SCML4: variants seen among roughly 807,000 people sequenced by gnomAD.
SCML4 encodes Scm polycomb group protein like 4.
SCML4 carries 34 observed loss-of-function variants against 41.1 expected under a neutral mutation model. That is an observed-to-expected ratio of 0.83 (90% CI 0.63 to 1.10). The LOEUF (loss-of-function observed/expected upper bound fraction) is 1.10. Among genes scored for constraint, SCML4 ranks in the 50% least tolerant of loss-of-function variants. The pLI, the probability that SCML4 is intolerant of heterozygous loss-of-function variation, is 0.00. For missense variants in SCML4, 522 were observed against 534.1 expected (o/e 0.98, Z 0.22); for synonymous variants, 214 against 220.9 (o/e 0.97, Z 0.28).
chr6:107,768,129 C>A (rs1264057351), intron 2 of SCML4, among the ~76,000 whole-genome samples: 1 of 151,700 alleles, frequency 6.6e-6, no homozygotes, highest in African/African-American at 2.4e-5. Context: ...AAAAAGTAGC[C>A]AGGCATGGTG....
At chr6:107,743,299 C>T (rs11153079) in intron 5 of SCML4, among the ~76,000 whole-genome samples, 29,976 of 152,084 alleles carry the variant, frequency 0.2, 3,000 homozygotes, top group East Asian at 0.24. Flanking sequence ...AAAGCCAATA[C>T]TTGTTCTGAA....
At chr6:107,795,749 A>G (rs1782661410) in intron 1 of SCML4, among the ~76,000 whole-genome samples, 1 of 152,210 alleles carries the variant, frequency 6.6e-6, no homozygotes, top group Admixed American at 6.5e-5. Flanking sequence ...GGCTGGTCTC[A>G]AACTGCTCAC....
chr6:107,829,417 T>A, the SCML4 span, among the ~76,000 whole-genome samples: 2 of 151,978 alleles, frequency 1.3e-5, no homozygotes, highest in Non-Finnish European at 2.9e-5. Flanking sequence ...AAAATAGTAA[T>A]GATTCCTTGG....
intron 5 of SCML4, among the ~76,000 whole-genome samples, chr6:107,721,462 G>A (rs1775404861): frequency 6.6e-6 from 1 of 151,968 alleles, no homozygotes; most frequent in Non-Finnish European, 1.5e-5. Flanking sequence ...CTACTCAGGA[G>A]GCTGAGGCAG....
chr6:107,823,066 A>C (rs1785064084), intron 1 of SCML4, among the ~76,000 whole-genome samples: 1 of 152,198 alleles, frequency 6.6e-6, no homozygotes. Context: ...TTCTTCAAAA[A>C]TGGTTCCTCT....
intron 1 of SCML4, among the ~76,000 whole-genome samples, chr6:107,793,783 C>CT (rs1331651650): frequency 6.6e-6 from 1 of 151,994 alleles, no homozygotes; most frequent in Admixed American, 6.6e-5. Flanking sequence ...CCCATCTGTA[C>CT]CAAAAATACA....
the SCML4 span, among the ~76,000 whole-genome samples, chr6:107,839,518 G>A: frequency 6.6e-6 from 1 of 152,150 alleles, no homozygotes; most frequent in Non-Finnish European, 1.5e-5. Flanking sequence ...CCATTAGAAA[G>A]TAGGGTTGGA....
chr6:107,747,584 TATATA>T (rs1167072628), intron 3 of SCML4, among the ~76,000 whole-genome samples: 4 of 149,578 alleles, frequency 2.7e-5, no homozygotes, highest in Non-Finnish European at 5.9e-5. Context: ...GTATCTAATT[TATATA>T]ATATAATATT....
the SCML4 span, among the ~76,000 whole-genome samples, chr6:107,845,997 G>A: frequency 6.6e-6 from 1 of 152,248 alleles, no homozygotes; most frequent in Non-Finnish European, 1.5e-5. Flanking sequence ...AGAGAAGGGC[G>A]CTCCCTGAGT....
chr6:107,777,236 G>T (rs796588168), intron 1 of SCML4, among the ~76,000 whole-genome samples: 9 of 152,162 alleles, frequency 5.9e-5, no homozygotes, highest in Admixed American at 5.9e-4. Flanking sequence ...TCCTGCCTCA[G>T]CCTCCCAAGT....
At chr6:107,708,714 C>T (rs961018080) in intron 6 of SCML4, among the ~76,000 whole-genome samples, 2 of 152,206 alleles carry the variant, frequency 1.3e-5, no homozygotes, top group Non-Finnish European at 2.9e-5. Flanking sequence ...AACTCCCTGA[C>T]CGCAAAGGGC....
chr6:107,797,513 T>C (rs1583611015), intron 1 of SCML4, among the ~76,000 whole-genome samples: 2 of 152,206 alleles, frequency 1.3e-5, no homozygotes, highest in East Asian at 1.9e-4. Flanking sequence ...TGACCATATA[T>C]AGTAAGGCTT....
chr6:107,726,876 A>G (rs117482792), intron 5 of SCML4, among the ~76,000 whole-genome samples: 1,742 of 152,344 alleles, frequency 0.011, 27 homozygotes, highest in Admixed American at 0.04. Context: ...TAGAATTACC[A>G]TAAGAACCAG....
chr6:107,769,197 C>T (rs1014193949), intron 2 of SCML4, among the ~76,000 whole-genome samples: 1 of 152,204 alleles, frequency 6.6e-6, no homozygotes, highest in Admixed American at 6.5e-5. Context: ...GGCAGTAGCA[C>T]CATAAAATGT....
At chr6:107,749,022 A>C (rs927676838) in intron 3 of SCML4, among the ~76,000 whole-genome samples, 1 of 152,124 alleles carries the variant, frequency 6.6e-6, no homozygotes, top group Admixed American at 6.5e-5. Flanking sequence ...CCAGATTAAC[A>C]AGTCTGGGCT....
At chr6:107,830,175 T>TGTGCTAAAGACATAGGAAGTG in the SCML4 span, among the ~76,000 whole-genome samples, 53 of 152,314 alleles carry the variant, frequency 3.5e-4, no homozygotes, top group South Asian at 0.011. Context: ...AGTCAAGCCA[T>TGTGCTAAAGACATAGGAAGTG]GTGCTAAAGA....
At chr6:107,827,734 A>G (rs1489541627), upstream of SCML4, among the ~76,000 whole-genome samples, 3 of 152,174 alleles carry the variant, frequency 2.0e-5, no homozygotes, top group Non-Finnish European at 4.4e-5. Flanking sequence ...CACTCTCTCC[A>G]CACGAGTGCT....
At chr6:107,714,252 C>A (rs756085761) in intron 6 of SCML4, among the ~76,000 whole-genome samples, 2 of 152,150 alleles carry the variant, frequency 1.3e-5, no homozygotes, top group Non-Finnish European at 2.9e-5. Context: ...TCAAGCTGAG[C>A]TGAGCGAGAT....
intron 2 of SCML4, among the ~76,000 whole-genome samples, chr6:107,767,886 C>A (rs916495591): frequency 1.3e-5 from 2 of 152,068 alleles, no homozygotes; most frequent in Admixed American, 6.6e-5. Context: ...GCTCTGTGTT[C>A]CCATTCTGTT....
Sources: gnomAD v4.1 joint callset for allele counts (sites outside exome capture counted in the v4.1 genomes callset) on GRCh38, gnomAD v4.1.1 for gene constraint, MANE v1.5 for transcripts, NCBI Gene and HGNC (gene_info 2026-07-23, HGNC 2026-07-21) for gene names.